The following BBS9 variants were observed in gnomAD, a reference collection of about 807,000 sequenced individuals.
BBS9 encodes Bardet-Biedl syndrome 9.
BBS9 carries 89 observed loss-of-function variants against 117.7 expected under a neutral mutation model. The ratio of observed to expected loss-of-function variants is 0.76; its 90% confidence interval spans 0.64 to 0.90. BBS9 has a LOEUF of 0.90. Among genes scored for constraint, BBS9 ranks in the 40% least tolerant of loss-of-function variants. The pLI is 0.00. For synonymous variants in BBS9, 379 were observed against 370.9 expected (o/e 1.02, Z -0.25); for missense variants, 982 against 1,042.2 (o/e 0.94, Z 0.80).
At chr7:33,251,611 G>A (rs1382192051) in intron 5 of BBS9, among the ~76,000 whole-genome samples, 1 of 152,220 alleles carries the variant, frequency 6.6e-6, no homozygotes, top group East Asian at 1.9e-4. Flanking sequence ...GAAATAGCAA[G>A]CAGTTAAACA....
intron 21 of BBS9, among the ~76,000 whole-genome samples, chr7:33,619,891 C>CA (rs1418295157): frequency 6.6e-6 from 1 of 151,830 alleles, no homozygotes; most frequent in Non-Finnish European, 1.5e-5. Context: ...ATGCCTACAT[C>CA]AAAAAATATG....
At chr7:33,206,581 C>T (rs1378794936) in intron 5 of BBS9, among the ~76,000 whole-genome samples, 1 of 151,860 alleles carries the variant, frequency 6.6e-6, no homozygotes. Flanking sequence ...TTCTCTCCCT[C>T]TCTCTCTCAT....
intron 9 of BBS9, among the ~76,000 whole-genome samples, chr7:33,277,769 A>G (rs1386210842): frequency 1.3e-5 from 2 of 152,116 alleles, no homozygotes; most frequent in Non-Finnish European, 2.9e-5. Flanking sequence ...GTCCAGGTGG[A>G]ACCATCATGG....
Position 33,533,555 on chromosome 7 carries a change from A to C in BBS9, c.2299-399A>C, listed in dbSNP as rs560871991. On this transcript the variant is annotated intron_variant, in intron 20 of 22. Coordinates refer to ENST00000242067, the MANE Select transcript of BBS9 (RefSeq NM_198428.3). ...GCCCGCTTTCCTTTAGCCGAAGATA[A>C]GAAAGATAAGGCAAAACAAACTATA... 1.4e-5 allele frequency: 3 copies of C among 209,708 alleles called. No homozygotes were observed. The South Asian group carries it at 2.5e-4, about 17-fold the overall frequency. 13.0% of individuals were successfully genotyped at this position (209,708 alleles called of 1,614,324 possible).
chr7:33,384,174 A>G (rs1825603173), intron 18 of BBS9, among the ~76,000 whole-genome samples: 1 of 152,224 alleles, frequency 6.6e-6, no homozygotes, highest in South Asian at 2.1e-4. Flanking sequence ...AACTAATTCT[A>G]GCAGGCCATA....
Position 33,605,907 on chromosome 7 carries a change from G to T in BBS9, c.*681G>T, listed in dbSNP as rs1330881968. ...CATCCCCTTTTCATTACCCCATTGG[G>T]TGGCACCTTTTAAAAATCCAGGTTA... On this transcript the variant is annotated 3_prime_UTR_variant, in exon 23 of 23. Coordinates refer to ENST00000242067, the MANE Select transcript of BBS9 (RefSeq NM_198428.3). 2 of 152,260 alleles carry T rather than the reference G, an allele frequency of 1.3e-5. No homozygotes were observed. Among genetic ancestry groups the T allele is most frequent in the African/African-American group, 4.8e-5 (2 of 41,426 alleles). 9.4% of individuals were successfully genotyped at this position (152,260 alleles called of 1,614,324 possible).
Position 33,166,317 on chromosome 7 carries a change from G to A in BBS9, c.328+10615G>A, listed in dbSNP as rs187741698. 3.3e-3 allele frequency among the ~76,000 whole-genome samples: 506 copies of A among 152,328 alleles called. 2 individuals carry two copies. The highest frequency in any genetic ancestry group is 5.5e-3 in the Non-Finnish European group (374 of 68,024). On this transcript the variant is annotated intron_variant, in intron 4 of 22. Transcript: ENST00000242067. Reference sequence around the variant, plus strand: ...CCAGTTAGGCTACTCAGGGTTCAGGGACCCACTTGAGGAGGCAGTCTGTCT... The same window carrying A: ...CCAGTTAGGCTACTCAGGGTTCAGGAACCCACTTGAGGAGGCAGTCTGTCT...
intron 5 of BBS9, among the ~76,000 whole-genome samples, chr7:33,216,079 G>C (rs1437916925): frequency 1.3e-5 from 2 of 152,194 alleles, no homozygotes. Context: ...AGGATCAAAG[G>C]CTTTGTTTAA....
intron 3 of BBS9, among the ~76,000 whole-genome samples, chr7:33,154,592 A>G (rs920036140): frequency 2.6e-5 from 4 of 152,072 alleles, no homozygotes; most frequent in Non-Finnish European, 2.9e-5. Context: ...CAGCCTCCCA[A>G]GTAGCTGGGA....
intron 10 of BBS9, among the ~76,000 whole-genome samples, chr7:33,337,572 A>G (rs1216079216): frequency 6.6e-6 from 1 of 152,124 alleles, no homozygotes; most frequent in African/African-American, 2.4e-5. Flanking sequence ...TAAAGTTATT[A>G]TGCTTTGGTT....
At chr7:33,285,323 G>C (rs1314768265) in intron 9 of BBS9, among the ~76,000 whole-genome samples, 1 of 152,114 alleles carries the variant, frequency 6.6e-6, no homozygotes, top group African/African-American at 2.4e-5. Flanking sequence ...ATCAAAAGAG[G>C]AGAGCTTTGG....
intron 19 of BBS9, among the ~76,000 whole-genome samples, chr7:33,466,240 T>C (rs1298378347): frequency 6.6e-6 from 1 of 152,126 alleles, no homozygotes; most frequent in Non-Finnish European, 1.5e-5. Flanking sequence ...TGCTGTACAT[T>C]AGATGTTCAG....
intron 9 of BBS9, among the ~76,000 whole-genome samples, chr7:33,298,474 A>G (rs180768152): frequency 4.7e-4 from 72 of 152,320 alleles, no homozygotes; most frequent in African/African-American, 1.7e-3. Flanking sequence ...CACATTTACC[A>G]ATATGCCCAC....
intron 19 of BBS9, among the ~76,000 whole-genome samples, chr7:33,415,151 A>G (rs542973841): frequency 1.1e-3 from 170 of 152,268 alleles, no homozygotes; most frequent in Non-Finnish European, 2.1e-3. Context: ...AAGGATGCAA[A>G]GTCTATGGCA....
At chr7:33,165,052 T>A (rs543409325) in intron 4 of BBS9, among the ~76,000 whole-genome samples, 1 of 152,278 alleles carries the variant, frequency 6.6e-6, no homozygotes, top group Non-Finnish European at 1.5e-5. Flanking sequence ...AGCATTTGCT[T>A]GTCTGTAAAG....
At chr7:33,142,660 A>G (rs116808030) in intron 1 of BBS9, among the ~76,000 whole-genome samples, 1,543 of 152,312 alleles carry the variant, frequency 0.01, 28 homozygotes, top group African/African-American at 0.035. Flanking sequence ...GGTACCTCAC[A>G]TAAGTGGAAT....
At chr7:33,164,896 G>A (rs1013400072) in intron 4 of BBS9, among the ~76,000 whole-genome samples, 8 of 152,072 alleles carry the variant, frequency 5.3e-5, no homozygotes, top group Admixed American at 1.3e-4. Flanking sequence ...TATTTTGCCC[G>A]TTGGTTGATG....
intron 21 of BBS9, among the ~76,000 whole-genome samples, chr7:33,625,017 G>A (rs539589301): frequency 6.6e-5 from 10 of 152,142 alleles, no homozygotes; most frequent in Non-Finnish European, 1.3e-4. Flanking sequence ...AGGCTTCATT[G>A]ACACCAACCA....
At chr7:33,397,501 T>C (rs1236007436) in intron 19 of BBS9, among the ~76,000 whole-genome samples, 1 of 152,040 alleles carries the variant, frequency 6.6e-6, no homozygotes, top group Non-Finnish European at 1.5e-5. Flanking sequence ...TCTTCAATTA[T>C]AAAAATACAT....
Sources: gnomAD v4.1 joint callset for allele counts (sites outside exome capture counted in the v4.1 genomes callset) on GRCh38, gnomAD v4.1.1 for gene constraint, MANE v1.5 for transcripts, NCBI Gene and HGNC (gene_info 2026-07-23, HGNC 2026-07-21) for gene names.